RNF111: variants seen among roughly 807,000 people sequenced by gnomAD.
The protein encoded by RNF111 is ring finger protein 111, also known as E3 ubiquitin-protein ligase Arkadia.
In RNF111, 17 loss-of-function variants were observed where a neutral mutation model predicts 95.1. The ratio of observed to expected loss-of-function variants is 0.18; its 90% CI spans 0.12 to 0.27. The LOEUF (loss-of-function observed/expected upper bound fraction) is 0.27, where lower values mean the gene tolerates loss of function less well. Among genes scored for constraint, RNF111 ranks in the 10% least tolerant of loss-of-function variants. The probability of loss-of-function intolerance (pLI) is 1.00; values close to 1 mark genes in which losing one functional copy is unlikely to be tolerated. For synonymous variants in RNF111, 440 were observed against 414.8 expected (o/e 1.06, Z -0.74); for missense variants, 1,189 against 1,210.4 (o/e 0.98, Z 0.26).
chr15:58,996,649 C>CTTTTTTTTTTTTTTTTTTTTTTTT (rs60350601), intron 1 of RNF111, among the ~76,000 whole-genome samples: 1 of 100,810 alleles, frequency 9.9e-6, no homozygotes, highest in African/African-American at 3.9e-5. Context: ...TCAGTACTTT[C>CTTTTTTTTTTTTTTTTTTTTTTTT]TTTTTTTTTT....
intron 1 of RNF111, among the ~76,000 whole-genome samples, chr15:58,990,275 A>G (rs1665053): frequency 0.66 from 100,084 of 152,010 alleles, 35,214 homozygotes; most frequent in South Asian, 0.86. Context: ...TTTGGTATTC[A>G]TTGTTGTGTT....
intron 1 of RNF111, among the ~76,000 whole-genome samples, chr15:58,991,975 A>T (rs1243328657): frequency 6.6e-6 from 1 of 152,172 alleles, no homozygotes; most frequent in African/African-American, 2.4e-5. Flanking sequence ...TATGTAAGAA[A>T]ATGACCACTT....
chr15:59,070,301 G>C (rs575055394), intron 6 of RNF111, among the ~76,000 whole-genome samples: 1 of 152,052 alleles, frequency 6.6e-6, no homozygotes, highest in East Asian at 1.9e-4. Context: ...GAATTGTGAA[G>C]AAGAGGGTTC....
chr15:59,031,208 A>C lies in RNF111; in HGVS notation c.386A>C (p.Asp129Ala), dbSNP rs1448358719. 1 of 1,614,238 alleles carries C rather than the reference A, an allele frequency of 6.2e-7. No individual in the cohort carries two copies. Residue 129 changes from aspartate to alanine, a missense_variant, in exon 2 of 14, where the codon GAT becomes GCT. Physicochemically the swap from Asp to Ala is moderately radical, Grantham distance 126. Transcript: ENST00000348370. ...CACCTAGGGACACCAAGTGATGAAG[A>C]TAATGATTCCTCTTTTAGTGATTGT... ...RQHLGTPSDE[D>A]NDSSFSDCLS...
At chr15:59,032,654 C>T (rs1400487037) in intron 2 of RNF111, among the ~76,000 whole-genome samples, 3 of 152,184 alleles carry the variant, frequency 2.0e-5, no homozygotes, top group Non-Finnish European at 4.4e-5. Context: ...CTCCTTAGCT[C>T]AGGCGATCCA....
Position 59,002,232 on chromosome 15 carries a change from A to G in RNF111, c.-20+14164A>G, listed in dbSNP as rs149103549. Among the ~76,000 whole-genome samples, 698 of 152,304 alleles carry G rather than the reference A, an allele frequency of 4.6e-3. 5 individuals carry two copies. The highest frequency in any genetic ancestry group is 0.041 in the Middle Eastern group (12 of 294). ...AACTCACCATTCTATTTTCTTGACT[A>G]TCTTCCCGCCATTTCTCTGATGTAT... On this transcript the variant is annotated intron_variant, in intron 1 of 13. Coordinates refer to ENST00000348370, the MANE Select transcript of RNF111 (RefSeq NM_017610.8).
intron 2 of RNF111, among the ~76,000 whole-genome samples, chr15:59,047,811 G>C (rs1376030575): frequency 6.6e-6 from 1 of 152,172 alleles, no homozygotes; most frequent in African/African-American, 2.4e-5. Flanking sequence ...CTTAGCTCGA[G>C]CAATCTGCCT....
chr15:59,056,898 G>A (rs368595732), intron 4 of RNF111, among the ~76,000 whole-genome samples: 2 of 152,274 alleles, frequency 1.3e-5, no homozygotes, highest in African/African-American at 4.8e-5. Flanking sequence ...GAAGGTGATA[G>A]AGTAGCCTTT....
At position 59,080,901 on chromosome 15, in the gene RNF111, G is replaced by A. The variant is rs371664031; in HGVS notation, c.1949-35G>A. The A allele has an allele frequency of 2.3e-4, 351 of 1,494,926 alleles. 1 individual carries two copies. The highest frequency in any genetic ancestry group is 1.1e-3 in the Middle Eastern group (6 of 5,668). 92.6% of individuals were successfully genotyped at this position (1,494,926 alleles called of 1,614,324 possible). A position where few individuals can be genotyped will look rare whatever the true frequency, so the allele number is the denominator to read the frequency against. On this transcript the variant is annotated intron_variant, in intron 7 of 13. Coordinates refer to ENST00000348370, the MANE Select transcript of RNF111 (RefSeq NM_017610.8). ...AGCAATATATGTTCAACTGCATGGT[G>A]CCTATGTAACATACTCAAAATATTT...
intron 10 of RNF111, 75 bp downstream of exon 10, chr15:59,085,860 A>ACTATATTAAAACAT: frequency 3.3e-6 from 4 of 1,218,554 alleles, no homozygotes; most frequent in Non-Finnish European, 4.6e-6. Context: ...GAAATACTTC[A>ACTATATTAAAACAT]CTATATTAAT....
intron 1 of RNF111, among the ~76,000 whole-genome samples, chr15:58,999,238 T>G (rs145639332): frequency 1.8e-3 from 273 of 152,324 alleles, no homozygotes; most frequent in African/African-American, 6.4e-3. Flanking sequence ...AAGCTAGTCA[T>G]TAGAGAGATT....
intron 3 of RNF111, among the ~76,000 whole-genome samples, chr15:59,053,684 T>G (rs1383601180): frequency 1.3e-5 from 2 of 152,176 alleles, no homozygotes; most frequent in African/African-American, 4.8e-5. Context: ...TGCATAGTGC[T>G]TGGTACAACA....
At chr15:59,085,434 A>C (rs1412895162) in intron 9 of RNF111, 2 of 272,890 alleles carry the variant, frequency 7.3e-6, no homozygotes, top group Non-Finnish European at 1.4e-5. Flanking sequence ...GAAACCAAGT[A>C]GAAATGCTTT....
intron 11 of RNF111, 60 bp from the exon 12 acceptor site, chr15:59,090,999 A>C (rs1049788624): frequency 1.0e-6 from 1 of 991,612 alleles, no homozygotes; most frequent in Non-Finnish European, 1.6e-6. Context: ...CAATGTTGAC[A>C]GTTCTGTTCA....
chr15:59,081,784 T>C (rs897525112), intron 8 of RNF111, among the ~76,000 whole-genome samples: 1 of 151,828 alleles, frequency 6.6e-6, no homozygotes, highest in African/African-American at 2.4e-5. Context: ...TCCAACACTT[T>C]GGGAGGCTGA....
intron 1 of RNF111, among the ~76,000 whole-genome samples, chr15:59,015,665 TTAGAG>T (rs1464811900): frequency 6.6e-6 from 1 of 151,760 alleles, no homozygotes; most frequent in Non-Finnish European, 1.5e-5. Context: ...GCCCCAAGCA[TTAGAG>T]TATTTAGATG....
intron 1 of RNF111, among the ~76,000 whole-genome samples, chr15:58,994,810 T>G (rs1042278967): frequency 1.3e-5 from 2 of 152,214 alleles, no homozygotes; most frequent in African/African-American, 2.4e-5. Context: ...ATTGCTTACA[T>G]TATGCCCATT....
intron 1 of RNF111, among the ~76,000 whole-genome samples, chr15:59,024,647 T>C (rs1202264988): frequency 6.6e-6 from 1 of 152,208 alleles, no homozygotes; most frequent in Non-Finnish European, 1.5e-5. Context: ...AGGATAATGT[T>C]TTATAACAAT....
At chr15:59,058,819 A>G in intron 5 of RNF111, 2 of 387,238 alleles carry the variant, frequency 5.2e-6, no homozygotes, top group Non-Finnish European at 9.5e-6. Context: ...GAGCAACAAA[A>G]GCAAAAGTAG....
Sources: allele counts gnomAD v4.1 joint callset (sites outside exome capture counted in the v4.1 genomes callset), GRCh38; gene constraint gnomAD v4.1.1; transcripts MANE v1.5; gene names NCBI Gene and HGNC (gene_info 2026-07-23, HGNC 2026-07-21).